FAM83B: variants seen among roughly 807,000 people sequenced by gnomAD.
FAM83B encodes the protein protein FAM83B.
Under a neutral mutation model 38.8 loss-of-function variants are expected in FAM83B, and 26 were observed. The observed-to-expected ratio is 0.67, with a 90% CI of 0.49 to 0.93. The LOEUF is 0.93. Among genes scored for constraint, FAM83B ranks in the 40% least tolerant of loss-of-function variants. FAM83B has a pLI of 0.00. For synonymous variants in FAM83B, 419 were observed against 423.1 expected, an observed-to-expected ratio of 0.99 and a Z score of 0.12; for missense variants, 1,237 against 1,197.3, an observed-to-expected ratio of 1.03 and a Z score of -0.49.
chr6:54,862,870 C>CG (rs1771618207), intron 1 of FAM83B, among the ~76,000 whole-genome samples: 1 of 148,886 alleles, frequency 6.7e-6, no homozygotes, highest in African/African-American at 2.5e-5. Flanking sequence ...GGTGCAAAAA[C>CG]CCCCCCCCAA....
chr6:54,887,337 T>C (rs1421325858), intron 2 of FAM83B, among the ~76,000 whole-genome samples: 1 of 152,160 alleles, frequency 6.6e-6, no homozygotes. Context: ...CTTTTCCTAA[T>C]GCTGTTTCTG....
intron 1 of FAM83B, among the ~76,000 whole-genome samples, chr6:54,863,695 T>G (rs1474443442): frequency 1.3e-5 from 2 of 152,236 alleles, no homozygotes; most frequent in Admixed American, 6.5e-5. Context: ...TGAATGTAGT[T>G]AATTTTTGAT....
intron 4 of FAM83B, among the ~76,000 whole-genome samples, chr6:54,937,312 C>G (rs1773543193): frequency 6.6e-6 from 1 of 151,906 alleles, no homozygotes; most frequent in African/African-American, 2.4e-5. Context: ...CCTCTAAACT[C>G]TAGGAAAGGA....
At chr6:54,852,435 T>C (rs778525461) in intron 1 of FAM83B, among the ~76,000 whole-genome samples, 15 of 152,210 alleles carry the variant, frequency 9.9e-5, no homozygotes, top group Non-Finnish European at 1.8e-4. Context: ...CATGTGCACA[T>C]ATGACAGTGA....
chr6:54,931,627 CTT>C (rs1561929256), intron 4 of FAM83B, among the ~76,000 whole-genome samples: 1 of 151,900 alleles, frequency 6.6e-6, no homozygotes, highest in East Asian at 1.9e-4. Flanking sequence ...CCTGCTTTCT[CTT>C]TTGGTTACCA....
intron 1 of FAM83B, among the ~76,000 whole-genome samples, chr6:54,851,585 G>A (rs1771289898): frequency 1.3e-5 from 2 of 150,660 alleles, no homozygotes; most frequent in Admixed American, 6.6e-5. Flanking sequence ...TGATTCTCCT[G>A]CCTCAGCCTC....
Position 54,940,002 on chromosome 6 carries a change from C to T in FAM83B, c.1031C>T (p.Thr344Ile). ...TACTTCAAAAACAGAGGGATATATA[C>T]TTTAAATGAACATGACAAATATAAC... ...SSYFKNRGIYTLNEHDKYNIR... is the reference protein window; with the variant it reads ...SSYFKNRGIYILNEHDKYNIR... The change falls in exon 5 of 5, where the codon ACT (threonine) becomes ATT (isoleucine). Residue 344 changes from threonine (T) to isoleucine (I), a missense_variant. Physicochemically the swap from Thr to Ile is moderately conservative, Grantham distance 89 (BLOSUM62 -1). Coordinates refer to ENST00000306858, the MANE Select transcript of FAM83B (RefSeq NM_001010872.3). 6.2e-7 allele frequency: 1 copy of T among 1,613,988 alleles called. No individual in the cohort carries two copies. Among genetic ancestry groups the T allele is most frequent in the Non-Finnish European group, 8.5e-7 (1 of 1,179,926 alleles).
chr6:54,900,892 T>A (rs774369759), intron 2 of FAM83B, among the ~76,000 whole-genome samples: 1 of 152,220 alleles, frequency 6.6e-6, no homozygotes, highest in Non-Finnish European at 1.5e-5. Flanking sequence ...TCCACATGTG[T>A]ATCCAATAAA....
chr6:54,891,862 G>A (rs1012173034), intron 2 of FAM83B, among the ~76,000 whole-genome samples: 1 of 151,528 alleles, frequency 6.6e-6, no homozygotes, highest in Non-Finnish European at 1.5e-5. Flanking sequence ...TCGTTATGTT[G>A]TCCAGGCTGG....
chr6:54,927,474 A>C (rs1396930364), intron 3 of FAM83B, 34 bp from the exon 4 acceptor site: 20 of 1,505,340 alleles, frequency 1.3e-5, no homozygotes, highest in Non-Finnish European at 1.6e-5. Flanking sequence ...TTTCCTAGCC[A>C]TAATGTCTGC....
At chr6:54,864,709 C>T (rs1469205268) in intron 1 of FAM83B, among the ~76,000 whole-genome samples, 1 of 152,094 alleles carries the variant, frequency 6.6e-6, no homozygotes, top group Non-Finnish European at 1.5e-5. Context: ...AATGAGAAGA[C>T]AAACAATCTT....
At chr6:54,905,748 A>G (rs1322266142) in intron 2 of FAM83B, among the ~76,000 whole-genome samples, 1 of 152,156 alleles carries the variant, frequency 6.6e-6, no homozygotes, top group African/African-American at 2.4e-5. Flanking sequence ...GACATTTAAG[A>G]AAGTTGAATA....
intron 2 of FAM83B, among the ~76,000 whole-genome samples, chr6:54,890,260 C>A (rs1306362434): frequency 6.6e-6 from 1 of 152,022 alleles, no homozygotes; most frequent in Non-Finnish European, 1.5e-5. Context: ...TGCTAAGTTA[C>A]ATTTTCATAA....
intron 2 of FAM83B, among the ~76,000 whole-genome samples, chr6:54,904,865 A>G (rs1022760376): frequency 2.6e-5 from 4 of 152,310 alleles, no homozygotes; most frequent in South Asian, 2.1e-4. Flanking sequence ...GAAAAAATAT[A>G]TTCTGTGGAG....
At position 54,940,224 on chromosome 6, in the gene FAM83B, A is replaced by T; in HGVS notation, c.1253A>T (p.Lys418Met). 3 of 1,614,074 alleles carry T rather than the reference A, an allele frequency of 1.9e-6. No homozygotes were observed. Among genetic ancestry groups the T allele is most frequent in the East Asian group, 2.2e-5 (1 of 44,868 alleles). The change falls in exon 5 of 5, where the codon AAG (lysine) becomes ATG (methionine). Residue 418 changes from lysine to methionine, a missense_variant. Physicochemically the swap from Lys to Met is moderately conservative, Grantham distance 95. Coordinates refer to ENST00000306858, the MANE Select transcript of FAM83B (RefSeq NM_001010872.3). ...AATAATCCACCTGGTAATTGGAAAA[A>T]GCCATCTGATAGTCTCAGTGTGGCG... ...RTNNPPGNWK[K>M]PSDSLSVASS...
At chr6:54,909,868 T>C (rs191606690) in intron 2 of FAM83B, among the ~76,000 whole-genome samples, 1 of 152,114 alleles carries the variant, frequency 6.6e-6, no homozygotes, top group Non-Finnish European at 1.5e-5. Flanking sequence ...TGAATTTTCT[T>C]AGAGAAAAGA....
At chr6:54,933,418 T>G (rs1436677074) in intron 4 of FAM83B, among the ~76,000 whole-genome samples, 1 of 152,116 alleles carries the variant, frequency 6.6e-6, no homozygotes, top group African/African-American at 2.4e-5. Context: ...TTGTTTGTTT[T>G]TAGCTCATTG....
At chr6:54,879,868 A>C (rs1365229773) in intron 2 of FAM83B, among the ~76,000 whole-genome samples, 1 of 152,214 alleles carries the variant, frequency 6.6e-6, no homozygotes, top group Non-Finnish European at 1.5e-5. Flanking sequence ...CAATAGGCTG[A>C]AGCTGACGTC....
At chr6:54,904,893 A>G (rs1416024826) in intron 2 of FAM83B, among the ~76,000 whole-genome samples, 1 of 152,136 alleles carries the variant, frequency 6.6e-6, no homozygotes, top group Non-Finnish European at 1.5e-5. Flanking sequence ...AGAGGAAGAA[A>G]GAAGAAAATT....
Sources: allele counts gnomAD v4.1 joint callset (sites outside exome capture counted in the v4.1 genomes callset), GRCh38; gene constraint gnomAD v4.1.1; transcripts MANE v1.5; gene names NCBI Gene and HGNC (gene_info 2026-07-23, HGNC 2026-07-21).